Variants in DHRS9 observed in about 807,000 individuals in gnomAD.
The protein encoded by DHRS9 is dehydrogenase/reductase 9.
Under a neutral mutation model 26.6 loss-of-function variants are expected in DHRS9, and 18 were observed. The ratio of observed to expected loss-of-function variants is 0.68; its 90% confidence interval spans 0.47 to 1.00. The LOEUF (loss-of-function observed/expected upper bound fraction) is 1.00. DHRS9 is among the 50% of genes least tolerant of loss of function. The pLI is 0.00. For synonymous variants in DHRS9, 134 were observed against 141.1 expected (o/e 0.95, Z 0.36); for missense variants, 425 against 378.7 (o/e 1.12, Z -1.01).
intron 3 of DHRS9, among the ~76,000 whole-genome samples, chr2:169,090,878 A>G (rs968872819): frequency 6.6e-6 from 1 of 152,190 alleles, no homozygotes; most frequent in Non-Finnish European, 1.5e-5. Flanking sequence ...GATGCTGTGC[A>G]GTGGCAGTAA....
At chr2:169,079,869 G>T (rs1398205068) in intron 1 of DHRS9, among the ~76,000 whole-genome samples, 1 of 71,430 alleles carries the variant, frequency 1.4e-5, no homozygotes, top group Non-Finnish European at 2.3e-5. Flanking sequence ...CTGAAAGAAA[G>T]AAAGAAAGAA....
chr2:169,068,203 A>C (rs1043997925), upstream of DHRS9, among the ~76,000 whole-genome samples: 1 of 152,236 alleles, frequency 6.6e-6, no homozygotes, highest in African/African-American at 2.4e-5. Flanking sequence ...GCTCTAAGTC[A>C]ATGTATTGTC....
Sources: allele counts gnomAD v4.1 joint callset (sites outside exome capture counted in the v4.1 genomes callset), GRCh38; gene constraint gnomAD v4.1.1; transcripts MANE v1.5; gene names NCBI Gene and HGNC (gene_info 2026-07-23, HGNC 2026-07-21).